The following DGKB variants were observed in gnomAD, a reference collection of about 807,000 sequenced individuals.
DGKB encodes 90 kDa diacylglycerol kinase.
A neutral mutation model predicts 114.3 loss-of-function variants in DGKB; 67 were observed. The ratio of observed to expected loss-of-function variants is 0.59; its 90% CI spans 0.48 to 0.72. DGKB has a LOEUF of 0.72. DGKB is among the 30% of genes least tolerant of loss of function. DGKB has a pLI of 0.00. For missense variants in DGKB, 907 were observed against 975.2 expected, an observed-to-expected ratio of 0.93 and a Z score of 0.93; for synonymous variants, 398 against 323.1, an observed-to-expected ratio of 1.23 and a Z score of -2.49.
intron 1 of DGKB, among the ~76,000 whole-genome samples, chr7:14,972,449 CAGGAA>C (rs1787524824): frequency 6.6e-6 from 1 of 151,966 alleles, no homozygotes; most frequent in Non-Finnish European, 1.5e-5. Context: ...TTCAAATCCA[CAGGAA>C]AGGAAAAGAA....
chr7:14,876,286 A>G (rs565340385), intron 1 of DGKB, among the ~76,000 whole-genome samples: 1 of 152,342 alleles, frequency 6.6e-6, no homozygotes, highest in South Asian at 2.1e-4. Flanking sequence ...ATGTAATTAA[A>G]GGAGATATAA....
chr7:14,661,859 G>A (rs1052218712), intron 13 of DGKB, among the ~76,000 whole-genome samples: 4 of 152,084 alleles, frequency 2.6e-5, no homozygotes, highest in African/African-American at 9.7e-5. Context: ...TATACACCAT[G>A]GAATACTATG....
chr7:14,197,255 C>A (rs891564058), intron 23 of DGKB, among the ~76,000 whole-genome samples: 1 of 151,928 alleles, frequency 6.6e-6, no homozygotes, highest in Non-Finnish European at 1.5e-5. Context: ...ACTCTTGGTA[C>A]AAAGGAAAAT....
intron 6 of DGKB, among the ~76,000 whole-genome samples, chr7:14,709,247 A>T (rs947206894): frequency 6.1e-4 from 93 of 152,040 alleles, no homozygotes; most frequent in Non-Finnish European, 1.2e-3. Context: ...AGAGAAATGC[A>T]AATCAAAACC....
intron 1 of DGKB, among the ~76,000 whole-genome samples, chr7:14,881,761 G>C (rs536814479): frequency 6.6e-6 from 1 of 152,050 alleles, no homozygotes; most frequent in African/African-American, 2.4e-5. Context: ...AGAAGACTGA[G>C]TGAAATGCTA....
intron 21 of DGKB, among the ~76,000 whole-genome samples, chr7:14,389,966 C>A (rs964218159): frequency 1.3e-5 from 2 of 152,122 alleles, no homozygotes; most frequent in African/African-American, 4.8e-5. Flanking sequence ...CCATTCAACC[C>A]CCTTTAGAGT....
At chr7:14,839,592 G>A (rs898567956) in intron 2 of DGKB, among the ~76,000 whole-genome samples, 9 of 151,420 alleles carry the variant, frequency 5.9e-5, no homozygotes, top group Non-Finnish European at 1.2e-4. Context: ...CATAGAGACA[G>A]GGTCTCACTG....
At chr7:14,955,690 G>A (rs1786462241) in intron 1 of DGKB, among the ~76,000 whole-genome samples, 2 of 152,008 alleles carry the variant, frequency 1.3e-5, no homozygotes, top group Non-Finnish European at 2.9e-5. Flanking sequence ...ACACACAAAA[G>A]AAACAGGAAA....
chr7:14,949,952 T>C (rs1786092069), intron 1 of DGKB, among the ~76,000 whole-genome samples: 1 of 142,102 alleles, frequency 7.0e-6, no homozygotes, highest in African/African-American at 2.6e-5. Context: ...GAGCTTGTTG[T>C]GGGGTGGGGG....
intron 23 of DGKB, among the ~76,000 whole-genome samples, chr7:14,178,923 A>G (rs1056633161): frequency 1.3e-5 from 2 of 152,148 alleles, no homozygotes; most frequent in African/African-American, 4.8e-5. Flanking sequence ...CTCCTGCTCC[A>G]GACCAATTTA....
Position 14,878,776 on chromosome 7 carries a change from A to C in DGKB, c.-188+23816T>G, listed in dbSNP as rs560535268. On this transcript the variant is annotated intron_variant, in intron 1 of 25. Coordinates refer to ENST00000402815, the MANE Select transcript of DGKB (RefSeq NM_001350709.2). ...AAAACAAAAAAAAAAAAACAAAAAA[A>C]AAAAACCAAAGACTTAAATATTTAT... Among the ~76,000 whole-genome samples, 1,133 of 151,768 alleles carry C rather than the reference A, an allele frequency of 7.5e-3. 11 individuals carry two copies. The highest frequency in any genetic ancestry group is 0.02 in the African/African-American group (834 of 41,446).
intron 9 of DGKB, among the ~76,000 whole-genome samples, chr7:14,691,126 T>C (rs971798857): frequency 6.6e-6 from 1 of 152,250 alleles, no homozygotes; most frequent in South Asian, 2.1e-4. Flanking sequence ...GTTTTTAAAC[T>C]GCTGTTGCTG....
Position 14,841,375 on chromosome 7 carries a change from T to A in DGKB, c.-112A>T. On this transcript the variant is annotated 5_prime_UTR_variant, in exon 2 of 26. Transcript: ENST00000402815. ...ATGGCATGTTTCATGATAAAATACC[T>A]CAGGCTTTCAAAATATGCAATCTGT... 1 of 852,512 alleles carries A rather than the reference T, an allele frequency of 1.2e-6. No individual in the cohort carries two copies. The highest frequency in any genetic ancestry group is 1.8e-6 in the Non-Finnish European group (1 of 554,518). 52.8% of individuals were successfully genotyped at this position (852,512 alleles called of 1,614,324 possible). A position where few individuals can be genotyped will look rare whatever the true frequency, so the allele number is the denominator to read the frequency against.
chr7:14,442,091 C>T (rs1830157426), intron 21 of DGKB, among the ~76,000 whole-genome samples: 1 of 151,892 alleles, frequency 6.6e-6, no homozygotes, highest in Non-Finnish European at 1.5e-5. Flanking sequence ...AACTTCTTTA[C>T]TTTGTAACAA....
At chr7:14,291,041 C>G (rs906414134) in intron 23 of DGKB, among the ~76,000 whole-genome samples, 1 of 147,064 alleles carries the variant, frequency 6.8e-6, no homozygotes, top group Non-Finnish European at 1.5e-5. Flanking sequence ...ACTTGGGAGG[C>G]TGAGGCAGGA....
chr7:14,585,864 A>G (rs6973028), intron 17 of DGKB, among the ~76,000 whole-genome samples: 8,503 of 152,150 alleles, frequency 0.056, 804 homozygotes, highest in African/African-American at 0.19. Flanking sequence ...TTGAGGTGCC[A>G]TGAACCACGC....
chr7:14,530,533 G>C (rs552962428), intron 20 of DGKB, among the ~76,000 whole-genome samples: 47 of 151,406 alleles, frequency 3.1e-4, no homozygotes, highest in African/African-American at 1.1e-3. Context: ...AAGAGGTGAG[G>C]CTTGAAAATT....
chr7:14,600,743 A>T (rs530244584), intron 17 of DGKB, among the ~76,000 whole-genome samples: 2 of 152,352 alleles, frequency 1.3e-5, no homozygotes, highest in African/African-American at 4.8e-5. Context: ...TGGGAATAAC[A>T]AAAACCAAAA....
At chr7:14,767,806 A>G (rs888707736) in intron 2 of DGKB, among the ~76,000 whole-genome samples, 10 of 152,006 alleles carry the variant, frequency 6.6e-5, no homozygotes, top group African/African-American at 2.2e-4. Context: ...GTACATTAAA[A>G]ATATTTAAAC....
Sources: gnomAD v4.1 joint callset for allele counts (sites outside exome capture counted in the v4.1 genomes callset) on GRCh38, gnomAD v4.1.1 for gene constraint, MANE v1.5 for transcripts, NCBI Gene and HGNC (gene_info 2026-07-23, HGNC 2026-07-21) for gene names.